Variants in C16orf96 observed in about 807,000 individuals in gnomAD.
C16orf96 encodes uncharacterized protein C16orf96.
C16orf96 carries 108 observed loss-of-function variants against 103.6 expected under a neutral mutation model. The observed-to-expected ratio is 1.04, with a 90% CI of 0.89 to 1.22. C16orf96 has a LOEUF of 1.22. Ranked by LOEUF, C16orf96 falls within the 50% of genes most tolerant of loss-of-function variation. The probability of loss-of-function intolerance (pLI) is 0.00; values close to 1 mark genes in which losing one functional copy is unlikely to be tolerated. For synonymous variants in C16orf96, 566 were observed against 593.5 expected, an observed-to-expected ratio of 0.95 and a Z score of 0.67; for missense variants, 1,586 against 1,464.2, an observed-to-expected ratio of 1.08 and a Z score of -1.36.
upstream of C16orf96, among the ~76,000 whole-genome samples, chr16:4,553,646 T>A (rs964641341): frequency 2.6e-5 from 4 of 151,948 alleles, no homozygotes; most frequent in Non-Finnish European, 1.5e-5. Context: ...CTCAGCTAAT[T>A]TTTTATTTTG....
At position 4,575,912 on chromosome 16, in the gene C16orf96, G is replaced by A; in HGVS notation, c.1432G>A (p.Ala478Thr). The change falls in exon 5 of 16, where the codon GCC (alanine) becomes ACC (threonine). Residue 478 changes from alanine to threonine, a missense_variant. By Grantham distance (58) the Ala-to-Thr change is moderately conservative (BLOSUM62 0). Transcript: ENST00000444310. Reference sequence around the variant, plus strand: ...TCGGGAGAGGGCCCGCAAGGATGGGGCCCCCAAGGATAGAACTCGCAAGGA... The same window carrying A: ...TCGGGAGAGGGCCCGCAAGGATGGGACCCCCAAGGATAGAACTCGCAAGGA... ...GLRERARKDG[A>T]PKDRTRKDGV... The A allele has an allele frequency of 1.3e-6, 2 of 1,551,572 alleles. No homozygotes were observed. The highest frequency in any genetic ancestry group is 1.7e-6 in the Non-Finnish European group (2 of 1,146,988).
intron 1 of C16orf96, among the ~76,000 whole-genome samples, chr16:4,567,533 T>C (rs1395246921): frequency 6.6e-6 from 1 of 151,810 alleles, no homozygotes. Context: ...TCCGCCCACC[T>C]CGGCCTCCCA....
At chr16:4,597,997 C>T (rs1897209042) in intron 14 of C16orf96, among the ~76,000 whole-genome samples, 1 of 152,094 alleles carries the variant, frequency 6.6e-6, no homozygotes, top group Non-Finnish European at 1.5e-5. Context: ...TGTCTGTGGC[C>T]AGATCTTGAT....
chr16:4,589,446 G>C (rs919941887), intron 9 of C16orf96, among the ~76,000 whole-genome samples: 1 of 151,364 alleles, frequency 6.6e-6, no homozygotes, highest in African/African-American at 2.4e-5. Flanking sequence ...AGGTGTGGTG[G>C]CACATACCTG....
chr16:4,550,565 G>A, the C16orf96 span, among the ~76,000 whole-genome samples: 2 of 152,170 alleles, frequency 1.3e-5, no homozygotes, highest in Non-Finnish European at 2.9e-5. Context: ...TGCAGCTAAC[G>A]TCAGTGAGCA....
rs901236872 is a variant in C16orf96 at position 4,591,753 on chromosome 16, C to T, written c.2680C>T (p.Leu894=). Residue 894 remains leucine (L), a synonymous_variant, in exon 10 of 16, where the codon CTG becomes TTG. Coordinates refer to ENST00000444310, the MANE Select transcript of C16orf96 (RefSeq NM_001145011.2). Reference sequence around the variant, plus strand: ...GAAGCTGCTGATTGAGGGCTTAAGACTGGATCCTGACAGTGCTGCTGGCTT... The same window carrying T: ...GAAGCTGCTGATTGAGGGCTTAAGATTGGATCCTGACAGTGCTGCTGGCTT... ...VRKLLIEGLR[L]DPDSAAGFRR... 1.0e-5 allele frequency: 16 copies of T among 1,551,578 alleles called. No individual in the cohort carries two copies. The highest frequency in any genetic ancestry group is 1.4e-5 in the Non-Finnish European group (16 of 1,146,998).
intron 1 of C16orf96, among the ~76,000 whole-genome samples, chr16:4,566,163 A>G (rs2141702785): frequency 6.6e-6 from 1 of 152,282 alleles, no homozygotes; most frequent in Admixed American, 6.5e-5. Context: ...GCAAGTTTTT[A>G]TATGGACCTA....
rs1015766580 is a variant in C16orf96, at chr16:4,556,588, C to G, written c.99C>G (p.Ile33Met). ...FKALHLLLHG[I>M]LEHIHMAELK... ...CCCTGCACCTCCTGCTGCACGGCAT[C>G]TTGGAGCACATCCACATGGCCGAGC... The change falls in exon 1 of 16, where the codon ATC becomes ATG. Residue 33 changes from isoleucine (I) to methionine (M), a missense_variant. Transcript: ENST00000444310. 2 of 1,551,768 alleles carry G rather than the reference C, an allele frequency of 1.3e-6. No homozygotes were observed. Among genetic ancestry groups the G allele is most frequent in the Non-Finnish European group, 1.7e-6 (2 of 1,147,032 alleles).
At chr16:4,561,424 T>G (rs2059329809) in intron 1 of C16orf96, 1 of 152,222 alleles carries the variant, frequency 6.6e-6, no homozygotes, top group East Asian at 1.9e-4. Flanking sequence ...CAGGGCTGCC[T>G]GGGGTGGCTG....
chr16:4,568,006 T>TTTTG (rs755576852), intron 1 of C16orf96, among the ~76,000 whole-genome samples: 7 of 152,054 alleles, frequency 4.6e-5, no homozygotes, highest in South Asian at 2.1e-4. Context: ...TGTTTTTGTT[T>TTTTG]TTTGTTTGTT....
rs59120429 is a variant in C16orf96, at chr16:4,558,313, A to G, written c.420+1404A>G. Among the ~76,000 whole-genome samples, 1,008 of 152,334 alleles carry G rather than the reference A, an allele frequency of 6.6e-3. 12 individuals are homozygous for G. The highest frequency in any genetic ancestry group is 0.023 in the African/African-American group (944 of 41,580). ...GTGTTCAGTTACTGGCAGCCCAAGA[A>G]GAAATAAGAAAGGGAAAATAAGCCG... On this transcript the variant is annotated intron_variant, in intron 1 of 15. Coordinates refer to ENST00000444310, the MANE Select transcript of C16orf96 (RefSeq NM_001145011.2).
Position 4,571,638 on chromosome 16 carries a change from G to A in C16orf96, c.498G>A (p.Val166=), listed in dbSNP as rs1295685518. The A allele has an allele frequency of 1.3e-6, 2 of 1,552,024 alleles. No homozygotes were observed. Among genetic ancestry groups the A allele is most frequent in the East Asian group, 2.4e-5 (1 of 40,900 alleles). Residue 166 remains valine, a synonymous_variant, in exon 2 of 16, where the codon GTG becomes GTA. Transcript: ENST00000444310. ...QVTITALRKE[V]DMLKNMLDKV... is the part of the protein sequence containing the mutation. ...CCATCACAGCCCTCAGAAAAGAAGT[G>A]GACATGCTGAAGAACATGCTTGACA...
chr16:4,571,185 T>G (rs151278123), intron 1 of C16orf96, among the ~76,000 whole-genome samples: 1 of 152,128 alleles, frequency 6.6e-6, no homozygotes, highest in African/African-American at 2.4e-5. Flanking sequence ...GACTCCATCT[T>G]AGAAACAAAA....
intron 14 of C16orf96, among the ~76,000 whole-genome samples, chr16:4,596,632 T>C (rs918190056): frequency 2.0e-5 from 3 of 151,972 alleles, no homozygotes; most frequent in African/African-American, 7.3e-5. Flanking sequence ...TAGTGAGCCA[T>C]GATCTCACCA....
chr16:4,545,031 T>C, the C16orf96 span, among the ~76,000 whole-genome samples: 1 of 152,190 alleles, frequency 6.6e-6, no homozygotes, highest in Non-Finnish European at 1.5e-5. Context: ...GGTATTCATA[T>C]CATAGCATGG....
chr16:4,575,908 T>C lies in C16orf96; in HGVS notation c.1428T>C (p.Asp476=), dbSNP rs1448944897. Residue 476 remains aspartate, a synonymous_variant, in exon 5 of 16, where the codon GAT becomes GAC. Coordinates refer to ENST00000444310, the MANE Select transcript of C16orf96 (RefSeq NM_001145011.2). ...LRGLRERARK[D]GAPKDRTRKD... is the part of the protein sequence containing the mutation. ...GCCTTCGGGAGAGGGCCCGCAAGGATGGGGCCCCCAAGGATAGAACTCGCA... is the reference window on the plus strand; with the variant it reads ...GCCTTCGGGAGAGGGCCCGCAAGGACGGGGCCCCCAAGGATAGAACTCGCA... 2.6e-6 allele frequency: 4 copies of C among 1,551,352 alleles called. No individual in the cohort carries two copies. The highest frequency in any genetic ancestry group is 3.5e-6 in the Non-Finnish European group (4 of 1,146,966).
At chr16:4,540,722 C>A in the C16orf96 span, among the ~76,000 whole-genome samples, 1 of 151,724 alleles carries the variant, frequency 6.6e-6, no homozygotes, top group African/African-American at 2.4e-5. Context: ...GCAAAACTCT[C>A]TCAAAATAAA....
upstream of C16orf96, among the ~76,000 whole-genome samples, chr16:4,555,635 T>C (rs2059255750): frequency 6.6e-6 from 1 of 151,886 alleles, no homozygotes; most frequent in Admixed American, 6.6e-5. Flanking sequence ...CCTCCCAGAG[T>C]GCTGGGATTA....
Position 4,591,684 on chromosome 16 carries a change from G to A in C16orf96, c.2611G>A (p.Asp871Asn), listed in dbSNP as rs747411228. The A allele has an allele frequency of 6.4e-7, 1 of 1,551,580 alleles. No homozygotes were observed. Among genetic ancestry groups the A allele is most frequent in the South Asian group, 1.2e-5 (1 of 84,066 alleles). Residue 871 changes from aspartate to asparagine, a missense_variant, in exon 10 of 16, where the codon GAT becomes AAT. Physicochemically the swap from Asp to Asn is conservative, Grantham distance 23. Transcript: ENST00000444310. ...TTGGCAGTTAGTCCACAGTGATCTG[G>A]ATCCCTTGAAGAAAGAAATGGAAGA... is the stretch of plus-strand genomic sequence containing the variant. ...VNTKLVHSDL[D>N]PLKKEMEEVW...
Sources: gnomAD v4.1 joint callset for allele counts (sites outside exome capture counted in the v4.1 genomes callset) on GRCh38, gnomAD v4.1.1 for gene constraint, MANE v1.5 for transcripts, NCBI Gene and HGNC (gene_info 2026-07-23, HGNC 2026-07-21) for gene names.